Variants in GREM2 observed in about 807,000 individuals in gnomAD.
The protein encoded by GREM2 is gremlin 2, DAN family BMP antagonist.
Under a neutral mutation model 14.2 loss-of-function variants are expected in GREM2, and 11 were observed. The ratio of observed to expected loss-of-function variants is 0.78; its 90% CI spans 0.49 to 1.28. The LOEUF (loss-of-function observed/expected upper bound fraction) is 1.28, where lower values mean the gene tolerates loss of function less well. Ranked by LOEUF, GREM2 falls within the 50% of genes most tolerant of loss-of-function variation. GREM2 has a pLI of 0.00. For missense variants in GREM2, 210 were observed against 218.5 expected (o/e 0.96, Z 0.24); for synonymous variants, 98 against 97.6 (o/e 1.00, Z -0.02).
chr1:240,574,726 A>G (rs989601036), intron 1 of GREM2, among the ~76,000 whole-genome samples: 1 of 152,098 alleles, frequency 6.6e-6, no homozygotes, highest in African/African-American at 2.4e-5. Context: ...GGTGATCAGT[A>G]TGGCCTGTAG....
rs146515121 is a variant in GREM2 at position 240,590,998 on chromosome 1, T to G, written c.-2+20886A>C. Among the ~76,000 whole-genome samples the G allele has an allele frequency of 8.0e-3, 1,211 of 150,960 alleles. 8 individuals carry two copies. The highest frequency in any genetic ancestry group is 0.011 in the Admixed American group (160 of 15,184). Reference sequence around the variant, plus strand: ...GGTTTCACCAGGTTGGCCAGGCTGGTCTCAAATGCCTGACCTCATGATCTG... The same window carrying G: ...GGTTTCACCAGGTTGGCCAGGCTGGGCTCAAATGCCTGACCTCATGATCTG... On this transcript the variant is annotated intron_variant, in intron 1 of 1. Transcript: ENST00000318160.
chr1:240,559,417 C>T (rs1428999758), intron 1 of GREM2, among the ~76,000 whole-genome samples: 3 of 143,126 alleles, frequency 2.1e-5, no homozygotes, highest in South Asian at 4.4e-4. Context: ...AATCTTGGCT[C>T]ATTGCAACAT....
chr1:240,563,279 C>G (rs1342655848), intron 1 of GREM2, among the ~76,000 whole-genome samples: 2 of 151,934 alleles, frequency 1.3e-5, no homozygotes, highest in Non-Finnish European at 2.9e-5. Context: ...TTTAGTGTCT[C>G]TTTACAAACG....
At chr1:240,600,954 T>C (rs1218575344) in intron 1 of GREM2, among the ~76,000 whole-genome samples, 1 of 152,196 alleles carries the variant, frequency 6.6e-6, no homozygotes, top group African/African-American at 2.4e-5. Context: ...CTCCAAATAA[T>C]TATTATTTCC....
chr1:240,500,138 C>G (rs1348579323), intron 1 of GREM2, among the ~76,000 whole-genome samples: 1 of 152,138 alleles, frequency 6.6e-6, no homozygotes, highest in East Asian at 1.9e-4. Context: ...ATTTTGCAAT[C>G]TTTCAGTTTT....
chr1:240,502,732 A>T (rs1292876440), intron 1 of GREM2, among the ~76,000 whole-genome samples: 1 of 152,096 alleles, frequency 6.6e-6, no homozygotes, highest in African/African-American at 2.4e-5. Context: ...ATTTGAACAG[A>T]CTCTGTTCAC....
rs370519469 is a variant in GREM2, at chr1:240,510,216, AG to A, written c.-1-16741del. Among the ~76,000 whole-genome samples, 1,377 of 151,844 alleles carry A rather than the reference AG, an allele frequency of 9.1e-3. 20 individuals are homozygous for A. Among genetic ancestry groups the A allele is most frequent in the African/African-American group, 0.032 (1,317 of 41,446 alleles). ...AACCCCGTCTCCACTAAAAATACAA[AG>A]AAATGAGCCGGGCGTGGTGGCGGGC... On this transcript the variant is annotated intron_variant, in intron 1 of 1. Coordinates refer to ENST00000318160, the MANE Select transcript of GREM2 (RefSeq NM_022469.4).
chr1:240,497,440 A>C (rs955575285), intron 1 of GREM2, among the ~76,000 whole-genome samples: 1 of 152,128 alleles, frequency 6.6e-6, no homozygotes, highest in East Asian at 1.9e-4. Flanking sequence ...ATGGCCACAA[A>C]GTATAGTGAG....
intron 1 of GREM2, among the ~76,000 whole-genome samples, chr1:240,510,115 A>T (rs1677773422): frequency 6.6e-6 from 1 of 152,086 alleles, no homozygotes; most frequent in Non-Finnish European, 1.5e-5. Flanking sequence ...CACGCCTGTA[A>T]TCCCAGCACT....
At chr1:240,510,369 C>CAAAAAAAAAAAAAAAAAAAAAAAAAAAAA (rs71170753) in intron 1 of GREM2, among the ~76,000 whole-genome samples, 1 of 59,540 alleles carries the variant, frequency 1.7e-5, no homozygotes. Context: ...GACTCCGTCG[C>CAAAAAAAAAAAAAAAAAAAAAAAAAAAAA]AAAAAAAAAA....
intron 1 of GREM2, among the ~76,000 whole-genome samples, chr1:240,496,391 C>T (rs1169953853): frequency 6.6e-6 from 1 of 152,200 alleles, no homozygotes; most frequent in East Asian, 1.9e-4. Context: ...TTCTTGTGCT[C>T]TAGAGCCTTA....
chr1:240,506,376 A>C (rs1191266294), intron 1 of GREM2, among the ~76,000 whole-genome samples: 1 of 152,174 alleles, frequency 6.6e-6, no homozygotes, highest in African/African-American at 2.4e-5. Context: ...TCTCATATTA[A>C]GTAATTTAAT....
chr1:240,496,207 G>A (rs1187654851), intron 1 of GREM2, among the ~76,000 whole-genome samples: 1 of 152,090 alleles, frequency 6.6e-6, no homozygotes, highest in Admixed American at 6.6e-5. Context: ...AAAGTGCTGG[G>A]ATTACAGGCC....
chr1:240,528,659 C>T (rs137903052), intron 1 of GREM2, among the ~76,000 whole-genome samples: 3 of 152,246 alleles, frequency 2.0e-5, no homozygotes, highest in East Asian at 3.9e-4. Context: ...GTGGCTGAGA[C>T]GAATCTGCAC....
In GREM2 at chr1:240,609,467, A is replaced by G. The variant is rs150839631; in HGVS notation, c.-2+2417T>C. Among the ~76,000 whole-genome samples the G allele has an allele frequency of 6.5e-3, 988 of 152,052 alleles. 6 individuals are homozygous for G. The highest frequency in any genetic ancestry group is 8.5e-3 in the Non-Finnish European group (577 of 68,006). The stretch of plus-strand genomic sequence containing the variant: ...TATTAGAAACAAAAGAACTATCAAG[A>G]AGCAGCTAATCCAAGAAGAAGATGG... On this transcript the variant is annotated intron_variant, in intron 1 of 1. Transcript: ENST00000318160.
At chr1:240,609,561 C>T (rs1680092903) in intron 1 of GREM2, among the ~76,000 whole-genome samples, 1 of 152,014 alleles carries the variant, frequency 6.6e-6, no homozygotes, top group African/African-American at 2.4e-5. Context: ...CCCATTTAAG[C>T]CGAGTGCTGG....
chr1:240,494,728 T>C lies in GREM2; in HGVS notation c.-1-1252A>G, dbSNP rs946849752. 5.3e-5 allele frequency among the ~76,000 whole-genome samples: 8 copies of C among 152,106 alleles called. No homozygotes were observed. In the East Asian group the frequency reaches 1.4e-3, roughly 26 times the overall value. Reference sequence around the variant, plus strand: ...CATCCTGGCTAACACGGTGAAACCCTGTCTCTACTAAAAATACAAAAAATT... The same window carrying C: ...CATCCTGGCTAACACGGTGAAACCCCGTCTCTACTAAAAATACAAAAAATT... On this transcript the variant is annotated intron_variant, in intron 1 of 1. Coordinates refer to ENST00000318160, the MANE Select transcript of GREM2 (RefSeq NM_022469.4).
intron 1 of GREM2, among the ~76,000 whole-genome samples, chr1:240,589,994 G>A (rs772002781): frequency 1.3e-5 from 2 of 152,126 alleles, no homozygotes; most frequent in Non-Finnish European, 2.9e-5. Context: ...TGGAGGGGTG[G>A]TTGGCTCCCA....
intron 1 of GREM2, among the ~76,000 whole-genome samples, chr1:240,606,777 C>T (rs1680034095): frequency 6.6e-6 from 1 of 150,926 alleles, no homozygotes; most frequent in Admixed American, 6.6e-5. Flanking sequence ...CTCCCAGGTT[C>T]AAGCCATTCT....
Sources: allele counts gnomAD v4.1 joint callset (sites outside exome capture counted in the v4.1 genomes callset), GRCh38; gene constraint gnomAD v4.1.1; transcripts MANE v1.5; gene names NCBI Gene and HGNC (gene_info 2026-07-23, HGNC 2026-07-21).